The following TBCE variants were observed in gnomAD, a reference collection of about 807,000 sequenced individuals.
The protein encoded by TBCE is tubulin-specific chaperone E.
Under a neutral mutation model 77.0 loss-of-function variants are expected in TBCE, and 53 were observed. The ratio of observed to expected loss-of-function variants is 0.69; its 90% CI spans 0.55 to 0.87. The LOEUF (loss-of-function observed/expected upper bound fraction) is 0.87. Ranked by LOEUF, TBCE falls within the 40% of genes least tolerant of loss-of-function variation. The pLI is 0.00. For missense variants in TBCE, 624 were observed against 622.4 expected, an observed-to-expected ratio of 1.00 and a Z score of -0.03; for synonymous variants, 235 against 241.3, an observed-to-expected ratio of 0.97 and a Z score of 0.24.
Position 235,450,884 on chromosome 1 carries a change from C to A in TBCE, c.*2122C>A, listed in dbSNP as rs1432401786. The A allele has an allele frequency of 2.0e-5, 3 of 152,564 alleles. No homozygotes were observed. The highest frequency in any genetic ancestry group is 1.3e-4 in the Admixed American group (2 of 15,336). The allele number at this position is 152,564 out of a possible 1,614,324, so 9.5% of individuals were successfully genotyped here. On this transcript the variant is annotated 3_prime_UTR_variant, in exon 17 of 17. Transcript: ENST00000642610. ...GATTAAAGACTCCCAAGCTCAAGTT[C>A]TTAACCACTAGACTATTTCCTAGCT...
intron 2 of TBCE, among the ~76,000 whole-genome samples, chr1:235,388,487 C>T (rs1295761919): frequency 6.6e-6 from 1 of 151,988 alleles, no homozygotes; most frequent in Non-Finnish European, 1.5e-5. Context: ...CAGGGTTTCA[C>T]CATGTTGGCC....
intron 4 of TBCE, 199 bp from the exon 5 acceptor site, chr1:235,419,274 A>G: frequency 2.8e-6 from 2 of 727,210 alleles, no homozygotes; most frequent in South Asian, 1.8e-5. Context: ...GCCCCAGAGG[A>G]CTTCAGTTGC....
intron 8 of TBCE, 29 bp from the exon 9 acceptor site, chr1:235,435,716 A>G (rs769995691): frequency 5.0e-6 from 8 of 1,584,242 alleles, no homozygotes; most frequent in African/African-American, 2.7e-5. Flanking sequence ...AGATAAATTC[A>G]CGGTGAAAAA....
At chr1:235,423,386 C>T (rs192475163) in intron 5 of TBCE, among the ~76,000 whole-genome samples, 2 of 152,138 alleles carry the variant, frequency 1.3e-5, no homozygotes, top group East Asian at 3.9e-4. Context: ...TCTGTACAGA[C>T]CTTAGAAACA....
At chr1:235,414,407 G>A (rs752232802) in intron 3 of TBCE, 26 bp from the exon 4 acceptor site, 5 of 1,610,700 alleles carry the variant, frequency 3.1e-6, no homozygotes, top group Admixed American at 1.7e-5. Flanking sequence ...AATATTTTCT[G>A]TGTTTCATTT....
chr1:235,420,095 AG>A (rs1306786684), intron 5 of TBCE, among the ~76,000 whole-genome samples: 1 of 152,100 alleles, frequency 6.6e-6, no homozygotes, highest in Non-Finnish European at 1.5e-5. Context: ...AAAAAAAGAA[AG>A]GGGGCACACT....
intron 3 of TBCE, among the ~76,000 whole-genome samples, chr1:235,406,921 T>C (rs1026891926): frequency 6.7e-6 from 1 of 149,262 alleles, no homozygotes; most frequent in African/African-American, 2.5e-5. Flanking sequence ...TGCACCCTCC[T>C]TCTCCCAGGT....
intron 2 of TBCE, among the ~76,000 whole-genome samples, chr1:235,400,110 A>G (rs1485252552): frequency 6.6e-6 from 1 of 152,188 alleles, no homozygotes; most frequent in African/African-American, 2.4e-5. Flanking sequence ...ACAGAAATCT[A>G]GTCTAATAAT....
At chr1:235,383,589 G>C (rs1228749090) in intron 2 of TBCE, among the ~76,000 whole-genome samples, 1 of 152,106 alleles carries the variant, frequency 6.6e-6, no homozygotes, top group African/African-American at 2.4e-5. Context: ...TTGTGAATGG[G>C]ATTTCACTCA....
intron 1 of TBCE, among the ~76,000 whole-genome samples, chr1:235,371,821 C>T (rs1258248294): frequency 6.6e-6 from 1 of 152,044 alleles, no homozygotes; most frequent in Non-Finnish European, 1.5e-5. Context: ...TACAGGGACC[C>T]GCCAGCATAC....
intron 15 of TBCE, among the ~76,000 whole-genome samples, chr1:235,447,724 ATTC>A (rs1682491043): frequency 6.6e-6 from 1 of 152,184 alleles, no homozygotes; most frequent in Admixed American, 6.5e-5. Context: ...CGCTCCCTTT[ATTC>A]TTCTGTGCTG....
At position 235,370,899 on chromosome 1, in the gene TBCE, G is replaced by A. The variant is rs1318299885; in HGVS notation, c.-32+3395G>A. Among the ~76,000 whole-genome samples, 5 of 148,360 alleles carry A rather than the reference G, an allele frequency of 3.4e-5. No individual in the cohort carries two copies. In the South Asian group the frequency reaches 8.6e-4, roughly 25 times the overall value. ...TGGGATTACAGGCGCACGCCACCAC[G>A]CCCAGCTCTTTTTTGTATTTTTAGT... On this transcript the variant is annotated intron_variant, in intron 1 of 16. Coordinates refer to ENST00000642610, the MANE Select transcript of TBCE (RefSeq NM_003193.5).
At chr1:235,387,126 G>A (rs1193812864) in intron 2 of TBCE, among the ~76,000 whole-genome samples, 13 of 150,706 alleles carry the variant, frequency 8.6e-5, no homozygotes, top group African/African-American at 1.2e-4. Context: ...TTCGTGAACC[G>A]CGAATGCTGC....
intron 5 of TBCE, 27 bp downstream of exon 5, chr1:235,419,588 T>C (rs752792138): frequency 3.7e-6 from 6 of 1,613,688 alleles, no homozygotes; most frequent in South Asian, 1.1e-5. Context: ...GAGCTTGTTA[T>C]TGGAATCTGA....
intron 5 of TBCE, among the ~76,000 whole-genome samples, chr1:235,424,423 T>G (rs1558380025): frequency 1.5e-5 from 1 of 66,146 alleles, no homozygotes; most frequent in Non-Finnish European, 2.5e-5. Context: ...GCACCCAGGT[T>G]CAAGGATTCT....
chr1:235,441,949 T>G, intron 14 of TBCE, 67 bp downstream of exon 14: 1 of 1,425,844 alleles, frequency 7.0e-7, no homozygotes, highest in Non-Finnish European at 9.8e-7. Flanking sequence ...AGTTAGTGTG[T>G]TTCTCTTAAG....
Position 235,391,600 on chromosome 1 carries a change from CTTTTTTTTTTTTTTTTTTT to C in TBCE, c.101-9897_101-9879del, listed in dbSNP as rs58265980. Among the ~76,000 whole-genome samples the C allele has an allele frequency of 5.9e-5, 5 of 85,410 alleles. No homozygotes were observed. The East Asian group carries it at 1.7e-3, about 29-fold the overall frequency. The allele number at this position is 85,410 out of a possible 152,430, so 56.0% of individuals were successfully genotyped here. ...TACCATACCATATTTGCTTCATTTC[CTTTTTTTTTTTTTTTTTTT>C]TTTTTGAGATGGAGTCTTACTCTGT... On this transcript the variant is annotated intron_variant, in intron 2 of 16. Coordinates refer to ENST00000642610, the MANE Select transcript of TBCE (RefSeq NM_003193.5).
At chr1:235,384,794 G>T (rs75354006) in intron 2 of TBCE, among the ~76,000 whole-genome samples, 1 of 152,016 alleles carries the variant, frequency 6.6e-6, no homozygotes, top group Admixed American at 6.6e-5. Flanking sequence ...TTTTTGAAGG[G>T]TTTTTTGTGT....
At chr1:235,368,437 T>A (rs1190247447) in intron 1 of TBCE, among the ~76,000 whole-genome samples, 3 of 67,040 alleles carry the variant, frequency 4.5e-5, no homozygotes, top group Non-Finnish European at 7.7e-5. Context: ...TTTTGATACT[T>A]GCTTCAAACG....
Sources: allele counts gnomAD v4.1 joint callset (sites outside exome capture counted in the v4.1 genomes callset), GRCh38; gene constraint gnomAD v4.1.1; transcripts MANE v1.5; gene names NCBI Gene and HGNC (gene_info 2026-07-23, HGNC 2026-07-21).